Variants in MRTFA observed in about 807,000 individuals in gnomAD.
MRTFA encodes the protein myocardin related transcription factor A.
Under a neutral mutation model 83.5 loss-of-function variants are expected in MRTFA, and 20 were observed. That is an observed-to-expected ratio of 0.24 (90% CI 0.17 to 0.35). The LOEUF (loss-of-function observed/expected upper bound fraction) is 0.35, where lower values mean the gene tolerates loss of function less well. Among genes scored for constraint, MRTFA ranks in the 10% least tolerant of loss-of-function variants. The probability of loss-of-function intolerance (pLI) is 1.00; values close to 1 mark genes in which losing one functional copy is unlikely to be tolerated. For missense variants in MRTFA, 1,200 were observed against 1,224.7 expected, an observed-to-expected ratio of 0.98 and a Z score of 0.30; for synonymous variants, 659 against 541.2, an observed-to-expected ratio of 1.22 and a Z score of -3.02.
rs776692220 is a variant in MRTFA, at chr22:40,411,373, C to T, written c.*17G>A. 24 of 1,535,896 alleles carry T rather than the reference C, an allele frequency of 1.6e-5. No homozygotes were observed. Among genetic ancestry groups the T allele is most frequent in the Admixed American group, 9.5e-5 (5 of 52,596 alleles). ...CTGGCTCCCAGCCCCTTCCCCACCC[C>T]GTCTTGAGCCAGAGAGCTACAAGCA... On this transcript the variant is annotated 3_prime_UTR_variant, in exon 15 of 15. Coordinates refer to ENST00000355630, the MANE Select transcript of MRTFA (RefSeq NM_020831.6).
intron 7 of MRTFA, among the ~76,000 whole-genome samples, chr22:40,424,620 T>A (rs557912448): frequency 1.3e-5 from 2 of 152,224 alleles, no homozygotes; most frequent in Non-Finnish European, 2.9e-5. Flanking sequence ...AGTGACCTCA[T>A]GGGCCGAGCA....
chr22:40,444,299 C>T (rs979730218), intron 4 of MRTFA, among the ~76,000 whole-genome samples: 1 of 152,014 alleles, frequency 6.6e-6, no homozygotes, highest in Non-Finnish European at 1.5e-5. Context: ...GAACAGAGCC[C>T]CAGGAGCCTG....
chr22:40,431,402 C>T lies in MRTFA; in HGVS notation c.439+3G>A. 1 of 1,613,960 alleles carries T rather than the reference C, an allele frequency of 6.2e-7. No individual in the cohort carries two copies. Among genetic ancestry groups the T allele is most frequent in the African/African-American group, 1.3e-5 (1 of 75,048 alleles). On this transcript the variant is annotated splice_donor_region_variant and intron_variant, in intron 6 of 14. Transcript: ENST00000355630. ...GATGGAAAAGCAATTCCAATCTCCA[C>T]ACCTTCCAAAATGTGCATCCTGACC... is the stretch of plus-strand genomic sequence containing the variant.
At chr22:40,576,544 G>A (rs934058773) in intron 2 of MRTFA, among the ~76,000 whole-genome samples, 2 of 151,960 alleles carry the variant, frequency 1.3e-5, no homozygotes, top group Admixed American at 6.6e-5. Flanking sequence ...ATTCTAAATC[G>A]TGGCATAAGT....
chr22:40,541,212 T>C (rs1374136637), intron 3 of MRTFA, among the ~76,000 whole-genome samples: 1 of 152,168 alleles, frequency 6.6e-6, no homozygotes, highest in Non-Finnish European at 1.5e-5. Context: ...AAGCTGTCAA[T>C]TTCACTAATA....
chr22:40,457,526 G>A (rs953144517), intron 4 of MRTFA, among the ~76,000 whole-genome samples: 1 of 151,572 alleles, frequency 6.6e-6, no homozygotes, highest in Non-Finnish European at 1.5e-5. Context: ...AAGAGAGAGA[G>A]ATATGCAACT....
chr22:40,563,304 A>G (rs1336711967), intron 2 of MRTFA, among the ~76,000 whole-genome samples: 1 of 152,150 alleles, frequency 6.6e-6, no homozygotes, highest in African/African-American at 2.4e-5. Context: ...ATCACTGCTT[A>G]CTTTTACTAT....
At chr22:40,623,132 TAG>T (rs1279549355) in intron 1 of MRTFA, among the ~76,000 whole-genome samples, 1 of 152,196 alleles carries the variant, frequency 6.6e-6, no homozygotes, top group Non-Finnish European at 1.5e-5. Flanking sequence ...GATACCAGAT[TAG>T]AGAGAGTTAG....
intron 3 of MRTFA, among the ~76,000 whole-genome samples, chr22:40,485,003 A>T (rs946993081): frequency 2.0e-5 from 3 of 151,604 alleles, no homozygotes; most frequent in Non-Finnish European, 4.4e-5. Context: ...ATCTGGGAGT[A>T]GGAGGTTGCA....
chr22:40,515,638 A>G (rs1305476097), intron 3 of MRTFA, among the ~76,000 whole-genome samples: 1 of 152,160 alleles, frequency 6.6e-6, no homozygotes, highest in Non-Finnish European at 1.5e-5. Flanking sequence ...GGAACCTAGA[A>G]AACAGAGAGG....
intron 2 of MRTFA, among the ~76,000 whole-genome samples, chr22:40,578,818 G>A (rs2055906512): frequency 6.6e-6 from 1 of 152,202 alleles, no homozygotes; most frequent in South Asian, 2.1e-4. Flanking sequence ...AGCTACTAGA[G>A]AGGCTGAGAT....
rs8135911 is a variant in MRTFA at position 40,419,085 on chromosome 22, G to C, written c.1653C>G (p.Pro551=). 0.039 allele frequency: 62,379 copies of C among 1,603,992 alleles called. 16,010 individuals carry two copies. In the African/African-American group the frequency reaches 0.64, roughly 16 times the overall value. The change falls in exon 12 of 15, where the codon CCC becomes CCG. Residue 551 remains proline (P), a synonymous_variant. Transcript: ENST00000355630. ...GCTCCGAGGGGGTGGGAGACACGGG[G>C]GGCGTGGAGCCCGTGCTGCCAAACT...
At chr22:40,536,338 C>A (rs1278693184) in intron 3 of MRTFA, among the ~76,000 whole-genome samples, 3 of 150,426 alleles carry the variant, frequency 2.0e-5, no homozygotes, top group East Asian at 1.9e-4. Flanking sequence ...CGCCGCCGCC[C>A]GACCGCCGGG....
chr22:40,412,615 A>G (rs1291503916), intron 14 of MRTFA: 3 of 152,240 alleles, frequency 2.0e-5, no homozygotes, highest in Non-Finnish European at 4.4e-5. Flanking sequence ...TGCTTAGTGC[A>G]ACAGCCTGTC....
At chr22:40,472,549 G>C (rs1279419714) in intron 3 of MRTFA, among the ~76,000 whole-genome samples, 4 of 152,084 alleles carry the variant, frequency 2.6e-5, no homozygotes, top group Non-Finnish European at 5.9e-5. Flanking sequence ...TTTTCACATT[G>C]AAAAACTTAA....
intron 3 of MRTFA, among the ~76,000 whole-genome samples, chr22:40,506,991 T>C (rs1003077456): frequency 4.6e-5 from 7 of 152,228 alleles, no homozygotes; most frequent in African/African-American, 1.7e-4. Flanking sequence ...GAATTCTGAC[T>C]AGGATACATT....
intron 3 of MRTFA, among the ~76,000 whole-genome samples, chr22:40,482,149 T>C (rs948759604): frequency 6.6e-6 from 1 of 152,068 alleles, no homozygotes; most frequent in African/African-American, 2.4e-5. Context: ...CGGTGACTCA[T>C]TTCATCTCAA....
At chr22:40,519,909 TACA>T (rs944445006) in intron 3 of MRTFA, among the ~76,000 whole-genome samples, 7 of 152,358 alleles carry the variant, frequency 4.6e-5, no homozygotes, top group African/African-American at 1.7e-4. Flanking sequence ...ATTTTAAGCT[TACA>T]ACAACTAGAG....
chr22:40,533,977 T>C (rs982263841), intron 3 of MRTFA, among the ~76,000 whole-genome samples: 2 of 152,170 alleles, frequency 1.3e-5, no homozygotes, highest in African/African-American at 4.8e-5. Flanking sequence ...GATCAACTGC[T>C]TTTTTCCTCT....
Sources: gnomAD v4.1 joint callset for allele counts (sites outside exome capture counted in the v4.1 genomes callset) on GRCh38, gnomAD v4.1.1 for gene constraint, MANE v1.5 for transcripts, NCBI Gene and HGNC (gene_info 2026-07-23, HGNC 2026-07-21) for gene names.